The following GLB1 variants were observed in gnomAD, a reference collection of about 807,000 sequenced individuals.
GLB1 encodes the protein beta-galactosidase.
A neutral mutation model predicts 74.0 loss-of-function variants in GLB1; 56 were observed. The observed-to-expected ratio is 0.76, with a 90% CI of 0.61 to 0.94. GLB1 has a LOEUF of 0.94. GLB1 is among the 40% of genes least tolerant of loss of function. The probability of loss-of-function intolerance (pLI) is 0.00; values close to 1 mark genes in which losing one functional copy is unlikely to be tolerated. For synonymous variants in GLB1, 323 were observed against 323.6 expected (o/e 1.00, Z 0.02); for missense variants, 787 against 845.5 (o/e 0.93, Z 0.86).
At chr3:32,969,179 C>T in the GLB1 span, among the ~76,000 whole-genome samples, 1 of 152,156 alleles carries the variant, frequency 6.6e-6, no homozygotes, top group East Asian at 1.9e-4. Flanking sequence ...GCAGTGGTGA[C>T]TTTGGACTCA....
At chr3:33,026,787 G>A (rs1697780924) in intron 10 of GLB1, among the ~76,000 whole-genome samples, 1 of 152,094 alleles carries the variant, frequency 6.6e-6, no homozygotes, top group Non-Finnish European at 1.5e-5. Context: ...TCTACCCACA[G>A]AGAGGCACTA....
the GLB1 span, among the ~76,000 whole-genome samples, chr3:32,963,637 T>TATACTC: frequency 0.6 from 90,065 of 151,272 alleles, 27,648 homozygotes; most frequent in African/African-American, 0.77. Context: ...TAAATTAACA[T>TATACTC]ATACTATGAA....
At chr3:32,983,501 AT>A in the GLB1 span, among the ~76,000 whole-genome samples, 1 of 152,018 alleles carries the variant, frequency 6.6e-6, no homozygotes, top group Admixed American at 6.6e-5. Context: ...TCCTGTAGAT[AT>A]TTTCAAGGTT....
the GLB1 span, among the ~76,000 whole-genome samples, chr3:32,985,109 A>G: frequency 0.026 from 3,880 of 150,192 alleles, 124 homozygotes; most frequent in African/African-American, 0.088. Context: ...TGTCTCAAAA[A>G]AAAAAAAAAA....
intron 11 of GLB1, among the ~76,000 whole-genome samples, chr3:33,022,819 C>T (rs763220456): frequency 1.3e-5 from 2 of 151,992 alleles, no homozygotes; most frequent in Non-Finnish European, 2.9e-5. Flanking sequence ...CTCGGCCTCC[C>T]AAAGTACTGG....
intron 13 of GLB1, 106 bp from the exon 14 acceptor site, chr3:33,016,946 T>C (rs909288468): frequency 2.2e-5 from 34 of 1,526,500 alleles, no homozygotes; most frequent in Non-Finnish European, 2.6e-5. Context: ...CCTTGAAGTG[T>C]CACCAGACTT....
At chr3:33,024,421 G>C (rs1459624045) in intron 10 of GLB1, 96 bp from the exon 11 acceptor site, 11 of 1,334,526 alleles carry the variant, frequency 8.2e-6, no homozygotes, top group Admixed American at 2.2e-5. Context: ...CAAGGTCAAA[G>C]ACTCAACAGT....
intron 10 of GLB1, among the ~76,000 whole-genome samples, chr3:33,031,233 C>T (rs780327324): frequency 1.3e-5 from 2 of 152,110 alleles, no homozygotes; most frequent in Non-Finnish European, 2.9e-5. Context: ...AGGAAGGAGG[C>T]AGGTAGAGCT....
intron 10 of GLB1, among the ~76,000 whole-genome samples, chr3:33,043,844 G>GAAAAAAAAAAAAAAAAAA (rs376478014): frequency 9.5e-6 from 1 of 104,982 alleles, no homozygotes; most frequent in African/African-American, 3.8e-5. Context: ...ACCAAAAAAA[G>GAAAAAAAAAAAAAAAAAA]AAAAAAAAAA....
intron 15 of GLB1, among the ~76,000 whole-genome samples, chr3:33,006,221 C>T (rs1364269317): frequency 6.6e-6 from 1 of 152,192 alleles, no homozygotes; most frequent in Non-Finnish European, 1.5e-5. Flanking sequence ...GGAACCGGGC[C>T]GCACAGTGAG....
chr3:32,998,132 A>C (rs1370564662), intron 15 of GLB1, among the ~76,000 whole-genome samples: 1 of 152,264 alleles, frequency 6.6e-6, no homozygotes, highest in East Asian at 1.9e-4. Flanking sequence ...TCCCATAACA[A>C]AACTGAAAGT....
intron 1 of GLB1, chr3:33,091,260 A>G (rs1700747191): frequency 4.1e-6 from 4 of 985,420 alleles, no homozygotes; most frequent in East Asian, 1.1e-4. Context: ...CCCACTGTCA[A>G]TACCGTGGCT....
intron 6 of GLB1, among the ~76,000 whole-genome samples, chr3:33,054,641 G>C (rs1699143187): frequency 6.6e-6 from 1 of 152,192 alleles, no homozygotes; most frequent in African/African-American, 2.4e-5. Context: ...GGCTCTAATT[G>C]TGTTTACCCC....
At chr3:33,007,485 C>T (rs1007897540) in intron 15 of GLB1, among the ~76,000 whole-genome samples, 1 of 152,194 alleles carries the variant, frequency 6.6e-6, no homozygotes, top group African/African-American at 2.4e-5. Flanking sequence ...TTGTGACTGG[C>T]GTCTTTCATT....
the GLB1 span, among the ~76,000 whole-genome samples, chr3:32,981,247 A>T: frequency 6.6e-6 from 1 of 151,574 alleles, no homozygotes; most frequent in Non-Finnish European, 1.5e-5. Context: ...TACTAAAAAT[A>T]CAAAAATTAG....
intron 5 of GLB1, among the ~76,000 whole-genome samples, chr3:33,062,882 G>A (rs1041103807): frequency 6.6e-6 from 1 of 152,220 alleles, no homozygotes; most frequent in Non-Finnish European, 1.5e-5. Context: ...CCATTCCAGA[G>A]CCGTTCGGTG....
intron 15 of GLB1, among the ~76,000 whole-genome samples, chr3:33,003,420 T>C (rs921043038): frequency 3.9e-5 from 6 of 152,180 alleles, no homozygotes; most frequent in African/African-American, 7.2e-5. Context: ...AACCTAAAAA[T>C]TGAAGAAGAC....
intron 10 of GLB1, chr3:33,034,149 C>T: frequency 1.6e-6 from 1 of 626,384 alleles, no homozygotes; most frequent in South Asian, 1.6e-5. Context: ...TGGGAGAAGA[C>T]CCACGACCCC....
At chr3:33,006,499 C>T (rs1696797918) in intron 15 of GLB1, among the ~76,000 whole-genome samples, 1 of 152,098 alleles carries the variant, frequency 6.6e-6, no homozygotes, top group Non-Finnish European at 1.5e-5. Context: ...GGTTGGGGAC[C>T]ACTGGCATAC....
Sources: gnomAD v4.1 joint callset for allele counts (sites outside exome capture counted in the v4.1 genomes callset) on GRCh38, gnomAD v4.1.1 for gene constraint, MANE v1.5 for transcripts, NCBI Gene and HGNC (gene_info 2026-07-23, HGNC 2026-07-21) for gene names.